Variants in GALNTL6 observed in about 807,000 individuals in gnomAD.
GALNTL6 encodes the protein polypeptide N-acetylgalactosaminyltransferase like 6, also known as polypeptide N-acetylgalactosaminyltransferase-like 6.
In GALNTL6, 46 loss-of-function variants were observed where a neutral mutation model predicts 73.7. That is an observed-to-expected ratio of 0.62 (90% CI 0.49 to 0.80). The LOEUF is 0.80. Among genes scored for constraint, GALNTL6 ranks in the 30% least tolerant of loss-of-function variants. The probability of loss-of-function intolerance (pLI) is 0.00; values close to 1 mark genes in which losing one functional copy is unlikely to be tolerated. For missense variants in GALNTL6, 604 were observed against 755.0 expected, an observed-to-expected ratio of 0.80 and a Z score of 2.34; for synonymous variants, 259 against 263.7, an observed-to-expected ratio of 0.98 and a Z score of 0.17.
At chr4:172,264,548 T>G (rs1738370946) in intron 3 of GALNTL6, among the ~76,000 whole-genome samples, 1 of 82,278 alleles carries the variant, frequency 1.2e-5, no homozygotes. Context: ...TGGCATAATA[T>G]ATGCCAAATA....
intron 2 of GALNTL6, among the ~76,000 whole-genome samples, chr4:171,989,616 C>A (rs1464903442): frequency 2.0e-5 from 3 of 152,188 alleles, no homozygotes; most frequent in Admixed American, 1.3e-4. Flanking sequence ...GGAATTGCAA[C>A]TCAGAAATAC....
intron 2 of GALNTL6, among the ~76,000 whole-genome samples, chr4:172,043,913 AAT>A (rs1742152456): frequency 6.6e-6 from 1 of 152,058 alleles, no homozygotes; most frequent in Non-Finnish European, 1.5e-5. Flanking sequence ...TAAATAGAGA[AAT>A]ATAACTATTC....
intron 5 of GALNTL6, among the ~76,000 whole-genome samples, chr4:172,703,661 CT>C (rs1734161711): frequency 6.6e-6 from 1 of 151,546 alleles, no homozygotes; most frequent in Non-Finnish European, 1.5e-5. Context: ...TCCTTTCTTT[CT>C]TGTGTCTTTG....
At chr4:172,592,670 G>GTCTA (rs5864141) in intron 5 of GALNTL6, among the ~76,000 whole-genome samples, 34,930 of 141,772 alleles carry the variant, frequency 0.25, 4,364 homozygotes, top group South Asian at 0.3. Context: ...CTGTCTGTCT[G>GTCTA]TCTATCTATC....
At chr4:172,490,164 T>C (rs1209337428) in intron 5 of GALNTL6, among the ~76,000 whole-genome samples, 1 of 152,106 alleles carries the variant, frequency 6.6e-6, no homozygotes, top group Non-Finnish European at 1.5e-5. Flanking sequence ...TGAGAGAGAC[T>C]GAAGCAGCAT....
At chr4:173,032,305 G>T (rs1333877340) in intron 12 of GALNTL6, among the ~76,000 whole-genome samples, 2 of 152,162 alleles carry the variant, frequency 1.3e-5, no homozygotes, top group Non-Finnish European at 2.9e-5. Flanking sequence ...AAAAGAATTA[G>T]CCGGGCGTGG....
intron 5 of GALNTL6, among the ~76,000 whole-genome samples, chr4:172,524,370 T>A (rs968570853): frequency 2.6e-5 from 4 of 152,118 alleles, no homozygotes; most frequent in African/African-American, 9.7e-5. Context: ...TGCTTCAGCC[T>A]CCCGAGTAGC....
chr4:171,821,860 G>C (rs1057121727), intron 2 of GALNTL6, among the ~76,000 whole-genome samples: 8 of 151,456 alleles, frequency 5.3e-5, no homozygotes, highest in Non-Finnish European at 5.9e-5. Flanking sequence ...AAACTAAAAG[G>C]GCATTTTTCT....
chr4:172,708,709 A>G (rs930868999), intron 5 of GALNTL6, among the ~76,000 whole-genome samples: 2 of 152,216 alleles, frequency 1.3e-5, no homozygotes, highest in African/African-American at 2.4e-5. Flanking sequence ...TTTGATTTGC[A>G]TACAGAACAC....
chr4:171,983,766 T>C (rs540503297), intron 2 of GALNTL6, among the ~76,000 whole-genome samples: 59 of 152,268 alleles, frequency 3.9e-4, no homozygotes, highest in Non-Finnish European at 4.0e-4. Context: ...GAGTCTTGCA[T>C]GACCTACCCT....
intron 5 of GALNTL6, among the ~76,000 whole-genome samples, chr4:172,566,683 A>T (rs76540082): frequency 0.033 from 5,065 of 152,114 alleles, 136 homozygotes; most frequent in African/African-American, 0.072. Context: ...AAAAATATTA[A>T]AGCAGGAATA....
chr4:172,656,411 G>A (rs181023742), intron 5 of GALNTL6, among the ~76,000 whole-genome samples: 12 of 152,268 alleles, frequency 7.9e-5, no homozygotes, highest in African/African-American at 2.4e-4. Flanking sequence ...AAGTTGAACC[G>A]GATTGGTCTG....
chr4:172,628,509 A>G (rs1739258195), intron 5 of GALNTL6, among the ~76,000 whole-genome samples: 1 of 152,104 alleles, frequency 6.6e-6, no homozygotes, highest in Non-Finnish European at 1.5e-5. Context: ...AGGTGGGTAG[A>G]TCTCTTGAGC....
At chr4:172,846,214 A>T (rs992822901) in intron 7 of GALNTL6, among the ~76,000 whole-genome samples, 29 of 152,248 alleles carry the variant, frequency 1.9e-4, no homozygotes, top group Non-Finnish European at 3.4e-4. Flanking sequence ...TACTATAAAT[A>T]GTCAATGTGT....
intron 2 of GALNTL6, among the ~76,000 whole-genome samples, chr4:171,958,952 G>A (rs1286767385): frequency 6.6e-6 from 1 of 151,952 alleles, no homozygotes; most frequent in Admixed American, 6.6e-5. Flanking sequence ...TTCTTTATTA[G>A]AGAAACTTGT....
intron 5 of GALNTL6, among the ~76,000 whole-genome samples, chr4:172,594,925 T>C (rs992349860): frequency 6.6e-6 from 1 of 152,188 alleles, no homozygotes; most frequent in African/African-American, 2.4e-5. Flanking sequence ...AACAGAACTG[T>C]AGTTCTCACA....
intron 5 of GALNTL6, among the ~76,000 whole-genome samples, chr4:172,653,592 A>G (rs1188418467): frequency 6.6e-6 from 1 of 151,894 alleles, no homozygotes; most frequent in Non-Finnish European, 1.5e-5. Flanking sequence ...CTGCTTCTCT[A>G]TATCCGAAGA....
At chr4:172,111,933 A>G (rs1255396538) in intron 2 of GALNTL6, among the ~76,000 whole-genome samples, 6 of 152,006 alleles carry the variant, frequency 3.9e-5, no homozygotes, top group African/African-American at 1.2e-4. Context: ...ATTATGATCA[A>G]TCAAAGTCCT....
chr4:172,747,503 A>C (rs941108465), intron 5 of GALNTL6, among the ~76,000 whole-genome samples: 2 of 152,170 alleles, frequency 1.3e-5, no homozygotes, highest in African/African-American at 4.8e-5. Context: ...CTATTATCAA[A>C]AAGATGAAAG....
Sources: allele counts gnomAD v4.1 joint callset (sites outside exome capture counted in the v4.1 genomes callset), GRCh38; gene constraint gnomAD v4.1.1; transcripts MANE v1.5; gene names NCBI Gene and HGNC (gene_info 2026-07-23, HGNC 2026-07-21).